The following MYO5B variants were observed in gnomAD, a reference collection of about 807,000 sequenced individuals.
MYO5B encodes myosin VB, also known as unconventional myosin-Vb.
In MYO5B, 143 loss-of-function variants were observed where a neutral mutation model predicts 229.3. That is an observed-to-expected ratio of 0.62 (90% confidence interval 0.54 to 0.72). The LOEUF is 0.72. Among genes scored for constraint, MYO5B ranks in the 30% least tolerant of loss-of-function variants. The pLI, the probability that MYO5B is intolerant of heterozygous loss-of-function variation, is 0.00. For synonymous variants in MYO5B, 918 were observed against 885.2 expected, an observed-to-expected ratio of 1.04 and a Z score of -0.66; for missense variants, 2,321 against 2,331.0, an observed-to-expected ratio of 1.00 and a Z score of 0.09.
intron 9 of MYO5B, among the ~76,000 whole-genome samples, chr18:49,978,733 AC>A (rs2025781552): frequency 1.3e-5 from 2 of 148,228 alleles, no homozygotes; most frequent in African/African-American, 5.2e-5. Flanking sequence ...ACACACACAC[AC>A]ACACACACAC....
intron 5 of MYO5B, among the ~76,000 whole-genome samples, chr18:49,993,203 C>T (rs576344695): frequency 5.9e-5 from 9 of 152,002 alleles, no homozygotes; most frequent in African/African-American, 2.2e-4. Context: ...CACATGCTTA[C>T]ATTTTTAGGT....
intron 4 of MYO5B, among the ~76,000 whole-genome samples, chr18:50,017,467 T>C (rs1422357504): frequency 6.6e-6 from 1 of 152,236 alleles, no homozygotes; most frequent in Non-Finnish European, 1.5e-5. Context: ...TTGTAGGATG[T>C]ATCCATACTT....
chr18:49,983,590 G>A (rs2025839404), intron 8 of MYO5B, among the ~76,000 whole-genome samples: 2 of 152,176 alleles, frequency 1.3e-5, no homozygotes, highest in Admixed American at 1.3e-4. Context: ...AATAGCAGAT[G>A]TTCTTTTGTA....
intron 1 of MYO5B, among the ~76,000 whole-genome samples, chr18:50,091,402 T>G (rs1408941088): frequency 6.6e-6 from 1 of 152,254 alleles, no homozygotes; most frequent in African/African-American, 2.4e-5. Context: ...TCAAGCTTAT[T>G]TGCATACCCA....
intron 2 of MYO5B, among the ~76,000 whole-genome samples, chr18:50,047,222 T>C (rs1295544626): frequency 6.6e-6 from 1 of 151,624 alleles, no homozygotes; most frequent in Non-Finnish European, 1.5e-5. Flanking sequence ...GAATCTACAA[T>C]GAACTCTAAC....
chr18:49,882,570 G>A (rs2024599319), intron 22 of MYO5B, among the ~76,000 whole-genome samples: 1 of 141,070 alleles, frequency 7.1e-6, no homozygotes, highest in African/African-American at 2.6e-5. Flanking sequence ...AGAGGTTGCA[G>A]CGAGCTGAGA....
At chr18:50,059,846 A>G (rs1046864470) in intron 1 of MYO5B, among the ~76,000 whole-genome samples, 1 of 152,252 alleles carries the variant, frequency 6.6e-6, no homozygotes, top group African/African-American at 2.4e-5. Flanking sequence ...AATTTTAACC[A>G]TAATCAAATT....
chr18:50,175,245 C>G (rs2144339440), intron 1 of MYO5B, among the ~76,000 whole-genome samples: 1 of 152,320 alleles, frequency 6.6e-6, no homozygotes. Flanking sequence ...CTTTCACTCT[C>G]CTCCACCATC....
At chr18:49,949,343 A>G (rs1397393104) in intron 14 of MYO5B, among the ~76,000 whole-genome samples, 3 of 102,040 alleles carry the variant, frequency 2.9e-5, no homozygotes, top group South Asian at 4.9e-4. Flanking sequence ...AAAAAAAAAA[A>G]AGGAAAACCT....
At chr18:49,948,496 T>C (rs1398249694) in intron 14 of MYO5B, among the ~76,000 whole-genome samples, 1 of 152,216 alleles carries the variant, frequency 6.6e-6, no homozygotes, top group Admixed American at 6.5e-5. Context: ...AGTACCCTGC[T>C]TGGTTTAAGT....
intron 1 of MYO5B, among the ~76,000 whole-genome samples, chr18:50,094,061 T>C (rs1568104041): frequency 6.6e-6 from 1 of 152,238 alleles, no homozygotes; most frequent in South Asian, 2.1e-4. Flanking sequence ...TTCATTTTAC[T>C]CTAGATTCGC....
At position 50,037,216 on chromosome 18, in the gene MYO5B, AAC is replaced by A. The variant is rs141553304; in HGVS notation, c.311-224_311-223del. Among the ~76,000 whole-genome samples, 531 of 146,060 alleles carry A rather than the reference AAC, an allele frequency of 3.6e-3. 1 individual carries two copies. The highest frequency in any genetic ancestry group is 0.01 in the African/African-American group (406 of 40,262). On this transcript the variant is annotated intron_variant, in intron 3 of 39. Coordinates refer to ENST00000285039, the MANE Select transcript of MYO5B (RefSeq NM_001080467.3). ...AAGCATACACACATACACACACACA[AAC>A]ACACACACACACACACACTCACTCA...
chr18:50,067,855 T>C (rs1015163585), intron 1 of MYO5B, among the ~76,000 whole-genome samples: 1 of 152,144 alleles, frequency 6.6e-6, no homozygotes, highest in African/African-American at 2.4e-5. Context: ...TATTCCTTTA[T>C]AGCAACTAAA....
rs554926132 is a variant in MYO5B at position 49,864,813 on chromosome 18, G to A, written c.3604-433C>T. ...AGGATTTCCTAAACTTATTTGCCCA[G>A]AGAACCCGTTGCTCCCTATTTTTCA... On this transcript the variant is annotated intron_variant, in intron 27 of 39. Coordinates refer to ENST00000285039, the MANE Select transcript of MYO5B (RefSeq NM_001080467.3). Among the ~76,000 whole-genome samples the A allele has an allele frequency of 4.6e-5, 7 of 152,308 alleles. No individual in the cohort carries two copies. The East Asian group carries it at 1.4e-3, about 29-fold the overall frequency.
intron 17 of MYO5B, among the ~76,000 whole-genome samples, chr18:49,919,239 G>A (rs185163409): frequency 6.6e-6 from 1 of 152,052 alleles, no homozygotes; most frequent in Non-Finnish European, 1.5e-5. Context: ...AAACACAGAT[G>A]TTAGTTAGTC....
chr18:50,049,530 T>C (rs2030334758), intron 2 of MYO5B, among the ~76,000 whole-genome samples: 1 of 152,238 alleles, frequency 6.6e-6, no homozygotes, highest in African/African-American at 2.4e-5. Flanking sequence ...ACTCCAGCAA[T>C]GGACAGACCA....
intron 12 of MYO5B, among the ~76,000 whole-genome samples, chr18:49,955,799 G>C (rs2025486433): frequency 6.6e-6 from 1 of 152,184 alleles, no homozygotes; most frequent in Non-Finnish European, 1.5e-5. Flanking sequence ...TTGTCTCCAA[G>C]CATTCTGTGT....
At chr18:49,989,892 G>C (rs555658344) in intron 7 of MYO5B, among the ~76,000 whole-genome samples, 2 of 152,124 alleles carry the variant, frequency 1.3e-5, no homozygotes, top group Non-Finnish European at 2.9e-5. Context: ...GCCAGTCCAC[G>C]AGAGATCAGA....
intron 27 of MYO5B, among the ~76,000 whole-genome samples, chr18:49,870,799 G>GTT (rs911190246): frequency 2.6e-5 from 4 of 152,194 alleles, no homozygotes; most frequent in Admixed American, 2.6e-4. Flanking sequence ...AATACTACGT[G>GTT]TTGGCAAGGA....
Sources: gnomAD v4.1 joint callset for allele counts (sites outside exome capture counted in the v4.1 genomes callset) on GRCh38, gnomAD v4.1.1 for gene constraint, MANE v1.5 for transcripts, NCBI Gene and HGNC (gene_info 2026-07-23, HGNC 2026-07-21) for gene names.